The following USH2A variants were observed in gnomAD, a reference collection of about 807,000 sequenced individuals.
USH2A encodes Usher syndrome 2A (autosomal recessive, mild).
A neutral mutation model predicts 538.9 loss-of-function variants in USH2A; 443 were observed. The observed-to-expected ratio is 0.82, with a 90% CI of 0.76 to 0.89. The LOEUF is 0.89. Ranked by LOEUF, USH2A falls within the 40% of genes least tolerant of loss-of-function variation. The pLI, the probability that USH2A is intolerant of heterozygous loss-of-function variation, is 0.00. For synonymous variants in USH2A, 2,413 were observed against 2,273.5 expected (o/e 1.06, Z -1.75); for missense variants, 6,633 against 6,324.8 (o/e 1.05, Z -1.65).
At chr1:216,377,716 G>C (rs1461743285) in intron 3 of USH2A, among the ~76,000 whole-genome samples, 1 of 145,308 alleles carries the variant, frequency 6.9e-6, no homozygotes, top group East Asian at 2.0e-4. Flanking sequence ...AGCAGGGGAG[G>C]GGGGAAGAGA....
chr1:216,352,858 T>A (rs2038312651), intron 4 of USH2A, among the ~76,000 whole-genome samples: 1 of 152,000 alleles, frequency 6.6e-6, no homozygotes, highest in African/African-American at 2.4e-5. Flanking sequence ...AAGTTGGAGG[T>A]AATATAATCA....
chr1:215,996,560 G>C (rs990751087), intron 34 of USH2A, among the ~76,000 whole-genome samples: 4 of 51,696 alleles, frequency 7.7e-5, no homozygotes. Context: ...AACATATTAT[G>C]TTTTTTTTTT....
At chr1:216,354,565 C>T (rs1044680820) in intron 4 of USH2A, among the ~76,000 whole-genome samples, 2 of 152,030 alleles carry the variant, frequency 1.3e-5, no homozygotes, top group African/African-American at 4.8e-5. Context: ...AATGAAAATA[C>T]TTGAAATGAA....
At chr1:215,770,536 C>G (rs1300966065) in intron 55 of USH2A, among the ~76,000 whole-genome samples, 1 of 152,028 alleles carries the variant, frequency 6.6e-6, no homozygotes, top group East Asian at 1.9e-4. Context: ...TTTTAATTCT[C>G]TTTTCATTGG....
At chr1:216,068,569 C>T (rs934483557) in intron 30 of USH2A, among the ~76,000 whole-genome samples, 1 of 152,096 alleles carries the variant, frequency 6.6e-6, no homozygotes, top group African/African-American at 2.4e-5. Context: ...GGGCCATACT[C>T]TACTGCAGCA....
intron 10 of USH2A, among the ~76,000 whole-genome samples, chr1:216,290,568 A>G (rs1424340486): frequency 6.6e-6 from 1 of 152,180 alleles, no homozygotes; most frequent in African/African-American, 2.4e-5. Context: ...ACTAAATAAT[A>G]CCAGGAGTAA....
At chr1:216,093,470 T>C (rs1259992627) in intron 22 of USH2A, among the ~76,000 whole-genome samples, 1 of 152,144 alleles carries the variant, frequency 6.6e-6, no homozygotes, top group African/African-American at 2.4e-5. Context: ...TTACCACGCT[T>C]TGCACCAGCC....
intron 14 of USH2A, among the ~76,000 whole-genome samples, chr1:216,231,265 T>TCCC (rs2035681511): frequency 9.2e-6 from 1 of 109,270 alleles, no homozygotes. Flanking sequence ...ATATAATATA[T>TCCC]ATATATAATA....
rs200124505 is a variant in USH2A, at chr1:216,246,761, C to G, written c.2633G>C (p.Arg878Pro). ...CCTGTGAGGCTCACACTGATTACAG[C>G]GAAGACCTGTTACCCCTAATTTGCA... ...CPCKLGVTGL[R>P]CNQCEPHRYN... The change falls in exon 13 of 72, where the codon CGC becomes CCC. Residue 878 changes from arginine to proline, a missense_variant. Transcript: ENST00000307340. 6.2e-7 allele frequency: 1 copy of G among 1,614,086 alleles called. No individual in the cohort carries two copies. The highest frequency in any genetic ancestry group is 8.5e-7 in the Non-Finnish European group (1 of 1,179,966).
At chr1:216,199,399 T>G (rs2034929445) in intron 17 of USH2A, among the ~76,000 whole-genome samples, 1 of 152,188 alleles carries the variant, frequency 6.6e-6, no homozygotes, top group Admixed American at 6.5e-5. Flanking sequence ...AATATTAGCC[T>G]TTTAAGGGGC....
chr1:215,648,271 A>T (rs985384579), intron 66 of USH2A, among the ~76,000 whole-genome samples: 23 of 152,080 alleles, frequency 1.5e-4, no homozygotes, highest in African/African-American at 5.3e-4. Context: ...TGTCTTTTTA[A>T]TGTAAAACAT....
At chr1:215,680,673 A>AC (rs1009563773) in intron 61 of USH2A, among the ~76,000 whole-genome samples, 3 of 152,102 alleles carry the variant, frequency 2.0e-5, no homozygotes, top group Admixed American at 6.5e-5. Flanking sequence ...CATTAAAAAA[A>AC]AAAACAAAAC....
chr1:215,808,678 A>C (rs1057019076), intron 49 of USH2A, among the ~76,000 whole-genome samples: 1 of 152,114 alleles, frequency 6.6e-6, no homozygotes, highest in East Asian at 1.9e-4. Context: ...GCAGTCTCAC[A>C]GTTGGTAGCT....
intron 61 of USH2A, among the ~76,000 whole-genome samples, chr1:215,692,450 C>CATATAT (rs375951866): frequency 1.5e-3 from 212 of 142,276 alleles, no homozygotes; most frequent in African/African-American, 5.0e-3. Context: ...AGATATTTTA[C>CATATAT]ATATATATAT....
At chr1:216,011,375 A>T (rs1668564740) in intron 32 of USH2A, among the ~76,000 whole-genome samples, 1 of 152,154 alleles carries the variant, frequency 6.6e-6, no homozygotes, top group Non-Finnish European at 1.5e-5. Context: ...CTTCACAGAT[A>T]GCCCCCATTA....
chr1:216,144,024 T>G (rs1328908233), intron 21 of USH2A, among the ~76,000 whole-genome samples: 1 of 152,184 alleles, frequency 6.6e-6, no homozygotes, highest in South Asian at 2.1e-4. Flanking sequence ...GAGCCAAAAA[T>G]GTAATCTCAT....
At chr1:216,331,600 A>G (rs1293049487) in intron 4 of USH2A, among the ~76,000 whole-genome samples, 1 of 152,144 alleles carries the variant, frequency 6.6e-6, no homozygotes, top group Non-Finnish European at 1.5e-5. Flanking sequence ...TCTACTCAGA[A>G]AATTTCCATG....
At chr1:215,659,622 T>C (rs1657380792) in intron 64 of USH2A, among the ~76,000 whole-genome samples, 1 of 152,210 alleles carries the variant, frequency 6.6e-6, no homozygotes, top group Non-Finnish European at 1.5e-5. Flanking sequence ...TCACAGCAAC[T>C]TTCCTGGGGT....
intron 34 of USH2A, among the ~76,000 whole-genome samples, chr1:215,993,842 A>C (rs1668069581): frequency 1.3e-5 from 2 of 152,216 alleles, no homozygotes; most frequent in Admixed American, 6.5e-5. Flanking sequence ...TAACATGATC[A>C]CAGAACTCTC....
Sources: allele counts gnomAD v4.1 joint callset (sites outside exome capture counted in the v4.1 genomes callset), GRCh38; gene constraint gnomAD v4.1.1; transcripts MANE v1.5; gene names NCBI Gene and HGNC (gene_info 2026-07-23, HGNC 2026-07-21).